The following GNG3 variants were observed in gnomAD, a reference collection of about 807,000 sequenced individuals.
GNG3 encodes the protein G protein subunit gamma 3.
A neutral mutation model predicts 5.6 loss-of-function variants in GNG3; 4 were observed. The observed-to-expected ratio is 0.71, with a 90% confidence interval of 0.35 to 1.63. GNG3 has a LOEUF of 1.63. Among genes scored for constraint, GNG3 ranks in the 40% most tolerant of loss-of-function variants. The probability of loss-of-function intolerance (pLI) is 0.05; values close to 1 mark genes in which losing one functional copy is unlikely to be tolerated. For missense variants in GNG3, 62 were observed against 96.6 expected, an observed-to-expected ratio of 0.64 and a Z score of 1.50; for synonymous variants, 30 against 33.5, an observed-to-expected ratio of 0.89 and a Z score of 0.36.
At chr11:62,708,513 C>T in intron 2 of GNG3, 119 bp downstream of exon 2, 14 of 1,227,796 alleles carry the variant, frequency 1.1e-5, no homozygotes, top group Non-Finnish European at 1.5e-5. Flanking sequence ...GGGGAGGAGT[C>T]TGGGGCTCTG....
upstream of GNG3, chr11:62,707,337 C>G: frequency 1.2e-6 from 1 of 800,308 alleles, no homozygotes; most frequent in South Asian, 1.4e-5. Flanking sequence ...GGGAGAGAAA[C>G]GAAGATTCAG....
upstream of GNG3, chr11:62,707,432 G>A: frequency 1.4e-6 from 1 of 698,364 alleles, no homozygotes; most frequent in Non-Finnish European, 2.6e-6. Context: ...AATGAGCAGG[G>A]TCCCCCGCAG....
At chr11:62,706,643 G>A (rs889401863), upstream of GNG3, 69 of 473,772 alleles carry the variant, frequency 1.5e-4, no homozygotes, top group African/African-American at 1.1e-3. Context: ...CCCGCGAAGC[G>A]GCCGAGTGAG....
At chr11:62,707,378 G>A (rs1159686021), upstream of GNG3, 3 of 716,686 alleles carry the variant, frequency 4.2e-6, no homozygotes, top group South Asian at 4.4e-5. Flanking sequence ...GTAGAGGGAG[G>A]AAAGGAGGAG....
Position 62,708,622 on chromosome 11 carries a change from G to A in GNG3, c.100-56G>A, listed in dbSNP as rs748663729. 2.6e-5 allele frequency: 41 copies of A among 1,599,628 alleles called. No homozygotes were observed. In the South Asian group the frequency reaches 4.6e-4, roughly 18 times the overall value. Reference sequence around the variant, plus strand: ...AAAGAGAACCCATTTGGGGAGGGAGGCTGCAGTCCCCTTCAGAGGTCCTGG... The same window carrying A: ...AAAGAGAACCCATTTGGGGAGGGAGACTGCAGTCCCCTTCAGAGGTCCTGG... On this transcript the variant is annotated intron_variant, in intron 2 of 2. Transcript: ENST00000294117.
rs1271661472 is a variant in GNG3 at position 62,708,401 on chromosome 11, G to A, written c.99+7G>A. The stretch of plus-strand genomic sequence containing the variant: ...CAGCTTGTGTCGGATAAAGGTAGGT[G>A]GGACCCTGGCTGGCTCCCATTAGTT... On this transcript the variant is annotated splice_region_variant and intron_variant, in intron 2 of 2. Coordinates refer to ENST00000294117, the MANE Select transcript of GNG3 (RefSeq NM_012202.5). The A allele has an allele frequency of 6.3e-7, 1 of 1,599,546 alleles. No individual in the cohort carries two copies. Among genetic ancestry groups the A allele is most frequent in the Non-Finnish European group, 8.6e-7 (1 of 1,166,914 alleles).
chr11:62,708,533 C>A, intron 2 of GNG3, 139 bp downstream of exon 2: 1 of 1,272,304 alleles, frequency 7.9e-7, no homozygotes, highest in Non-Finnish European at 1.1e-6. Flanking sequence ...GTAGAGAGAG[C>A]TGTCCCCAGG....
upstream of GNG3, chr11:62,706,644 GC>G: frequency 2.1e-6 from 1 of 474,056 alleles, no homozygotes; most frequent in South Asian, 1.5e-5. Context: ...CCGCGAAGCG[GC>G]CGAGTGAGGC....
At chr11:62,707,179 A>G, upstream of GNG3, 3 of 1,552,712 alleles carry the variant, frequency 1.9e-6, no homozygotes, top group Non-Finnish European at 1.7e-6. Flanking sequence ...CTTTTGGTCT[A>G]CCTTTTCTGT....
chr11:62,708,290 T>C lies in GNG3; in HGVS notation c.-1-5T>C, dbSNP rs1262252075. ...TGTGCTCTGAGAGGTCCCTCTTTTT[T>C]CCAGGATGAAAGGTGAGACCCCGGT... is the stretch of plus-strand genomic sequence containing the variant. On this transcript the variant is annotated splice_polypyrimidine_tract_variant and splice_region_variant and intron_variant, in intron 1 of 2. Transcript: ENST00000294117. The C allele has an allele frequency of 1.3e-6, 2 of 1,598,214 alleles. No individual in the cohort carries two copies. The highest frequency in any genetic ancestry group is 2.7e-5 in the African/African-American group (2 of 74,606).
intron 2 of GNG3, 22 bp downstream of exon 2, chr11:62,708,416 TC>T: frequency 6.5e-7 from 1 of 1,539,058 alleles, no homozygotes; most frequent in Non-Finnish European, 9.0e-7. Flanking sequence ...CCTGGCTGGC[TC>T]CCATTAGTTG....
intron 2 of GNG3, 33 bp downstream of exon 2, chr11:62,708,427 G>A (rs2083579514): frequency 6.8e-7 from 1 of 1,472,034 alleles, no homozygotes; most frequent in South Asian, 1.1e-5. Flanking sequence ...CCCATTAGTT[G>A]GCCAGGCTGT....
rs762297431 is a variant in GNG3 at position 62,708,403 on chromosome 11, G to C, written c.99+9G>C. On this transcript the variant is annotated intron_variant, in intron 2 of 2. Transcript: ENST00000294117. ...GCTTGTGTCGGATAAAGGTAGGTGGGACCCTGGCTGGCTCCCATTAGTTGG... is the reference window on the plus strand; with the variant it reads ...GCTTGTGTCGGATAAAGGTAGGTGGCACCCTGGCTGGCTCCCATTAGTTGG... 6.3e-7 allele frequency: 1 copy of C among 1,593,894 alleles called. No individual in the cohort carries two copies. The highest frequency in any genetic ancestry group is 1.1e-5 in the South Asian group (1 of 90,672).
chr11:62,708,255 C>T (rs771309453), intron 1 of GNG3, 40 bp from the exon 2 acceptor site: 2 of 1,311,804 alleles, frequency 1.5e-6, no homozygotes, highest in South Asian at 2.3e-5. Context: ...GGGGGGCCTC[C>T]AGCTGAGACT....
At chr11:62,707,112 C>T (rs533121140), upstream of GNG3, 3 of 1,553,362 alleles carry the variant, frequency 1.9e-6, no homozygotes, top group African/African-American at 1.4e-5. Flanking sequence ...CCCCTACCTC[C>T]TCTTTGTCCG....
At chr11:62,707,266 T>C (rs779645126), upstream of GNG3, 9 of 1,307,812 alleles carry the variant, frequency 6.9e-6, no homozygotes, top group African/African-American at 1.0e-4. Flanking sequence ...GAAGTGGCGA[T>C]CCAGACGCTG....
At chr11:62,708,501 C>A in intron 2 of GNG3, 107 bp downstream of exon 2, 2 of 1,209,452 alleles carry the variant, frequency 1.7e-6, no homozygotes, top group Non-Finnish European at 2.4e-6. Context: ...TCCCTGAGGT[C>A]AGGGGAGGAG....
intron 2 of GNG3, 21 bp downstream of exon 2, chr11:62,708,415 C>T (rs1241716406): frequency 1.3e-6 from 2 of 1,545,096 alleles, no homozygotes; most frequent in Admixed American, 3.3e-5. Flanking sequence ...CCCTGGCTGG[C>T]TCCCATTAGT....
At chr11:62,708,439 C>T in intron 2 of GNG3, 45 bp downstream of exon 2, 1 of 1,406,322 alleles carries the variant, frequency 7.1e-7, no homozygotes, top group Non-Finnish European at 1.0e-6. Flanking sequence ...CCAGGCTGTG[C>T]TGTGCTGCAG....
Sources: gnomAD v4.1 joint callset for allele counts on GRCh38, gnomAD v4.1.1 for gene constraint, MANE v1.5 for transcripts, NCBI Gene and HGNC (gene_info 2026-07-23, HGNC 2026-07-21) for gene names.